MTUS2: variants seen among roughly 807,000 people sequenced by gnomAD.
MTUS2 encodes the protein microtubule-associated tumor suppressor candidate 2.
MTUS2 carries 40 observed loss-of-function variants against 114.1 expected under a neutral mutation model. The ratio of observed to expected loss-of-function variants is 0.35; its 90% CI spans 0.27 to 0.46. The LOEUF (loss-of-function observed/expected upper bound fraction) is 0.46. Among genes scored for constraint, MTUS2 ranks in the 20% least tolerant of loss-of-function variants. The probability of loss-of-function intolerance (pLI) is 1.00; values close to 1 mark genes in which losing one functional copy is unlikely to be tolerated. For missense variants in MTUS2, 1,679 were observed against 1,705.4 expected (o/e 0.98, Z 0.27); for synonymous variants, 688 against 672.0 (o/e 1.02, Z -0.37).
chr13:29,222,702 C>T (rs934141849), intron 5 of MTUS2, among the ~76,000 whole-genome samples: 1 of 152,220 alleles, frequency 6.6e-6, no homozygotes, highest in African/African-American at 2.4e-5. Context: ...GGTGCAGCTG[C>T]AGCTGCCCAA....
chr13:29,352,837 A>G (rs1032158741), intron 7 of MTUS2, among the ~76,000 whole-genome samples: 13 of 152,346 alleles, frequency 8.5e-5, no homozygotes, highest in African/African-American at 3.1e-4. Flanking sequence ...TTTCTTTTGC[A>G]GTATCTAATC....
rs771233147 is a variant in MTUS2, at chr13:29,026,680, C to T, written c.1982C>T (p.Ser661Leu). 4.3e-6 allele frequency: 7 copies of T among 1,613,874 alleles called. No homozygotes were observed. In the Admixed American group the frequency reaches 5.0e-5, roughly 12 times the overall value. Residue 661 changes from serine to leucine, a missense_variant, in exon 3 of 16, where the codon TCG becomes TTG. Physicochemically the swap from Ser to Leu is moderately radical, Grantham distance 145 (BLOSUM62 -2). Transcript: ENST00000612955. Reference protein sequence around the residue: ...NPQALGQVDASLVPVGLPYAP... With the variant: ...NPQALGQVDALLVPVGLPYAP... ...CAGGCCCTGGGCCAGGTGGACGCCT[C>T]GCTGGTTCCAGTGGGGCTTCCATAT... is the stretch of plus-strand genomic sequence containing the variant.
chr13:29,086,756 A>G (rs1406262659), intron 4 of MTUS2, among the ~76,000 whole-genome samples: 1 of 152,198 alleles, frequency 6.6e-6, no homozygotes, highest in South Asian at 2.1e-4. Flanking sequence ...ATCCAAGAGC[A>G]TGGAATTTTT....
At chr13:29,258,803 T>A (rs1897365436) in intron 5 of MTUS2, among the ~76,000 whole-genome samples, 1 of 152,182 alleles carries the variant, frequency 6.6e-6, no homozygotes, top group Non-Finnish European at 1.5e-5. Context: ...CCTTTCTGTG[T>A]ATACAGCCTT....
At chr13:29,129,499 G>A (rs965047733) in intron 5 of MTUS2, among the ~76,000 whole-genome samples, 20 of 151,974 alleles carry the variant, frequency 1.3e-4, no homozygotes, top group Admixed American at 1.1e-3. Context: ...TAAACAAAGA[G>A]GTTCAGCCTA....
intron 2 of MTUS2, among the ~76,000 whole-genome samples, chr13:29,009,427 A>G (rs186980580): frequency 6.6e-6 from 1 of 152,084 alleles, no homozygotes; most frequent in East Asian, 1.9e-4. Context: ...ATAGTATAAT[A>G]TAATCTAGGT....
intron 2 of MTUS2, among the ~76,000 whole-genome samples, chr13:28,867,332 T>C (rs1877359448): frequency 6.6e-6 from 1 of 152,194 alleles, no homozygotes; most frequent in Non-Finnish European, 1.5e-5. Context: ...TGATTTAATA[T>C]AGATTTTTAA....
chr13:28,907,142 C>T (rs1296440734), intron 2 of MTUS2, among the ~76,000 whole-genome samples: 2 of 151,586 alleles, frequency 1.3e-5, no homozygotes, highest in African/African-American at 4.9e-5. Flanking sequence ...ATTTCATATC[C>T]AGCCAAACTA....
chr13:28,943,545 T>G (rs1352017819), intron 2 of MTUS2, among the ~76,000 whole-genome samples: 1 of 152,178 alleles, frequency 6.6e-6, no homozygotes, highest in Non-Finnish European at 1.5e-5. Flanking sequence ...TTGCAGCAAC[T>G]GTTTCTGGAC....
intron 7 of MTUS2, among the ~76,000 whole-genome samples, chr13:29,328,524 C>T (rs1297259271): frequency 2.0e-5 from 3 of 152,180 alleles, no homozygotes; most frequent in African/African-American, 7.2e-5. Context: ...ATGTCTAAAA[C>T]TTGAAATCAG....
At chr13:29,206,890 G>GACTCTTTTTTGGTTCTATATGA (rs1287331677) in intron 5 of MTUS2, among the ~76,000 whole-genome samples, 19 of 152,100 alleles carry the variant, frequency 1.2e-4, no homozygotes, top group African/African-American at 4.6e-4. Flanking sequence ...TGGCTATATG[G>GACTCTTTTTTGGTTCTATATGA]ACTCTTTTTT....
chr13:28,850,828 A>G (rs1256838774), intron 2 of MTUS2, among the ~76,000 whole-genome samples: 1 of 152,194 alleles, frequency 6.6e-6, no homozygotes, highest in African/African-American at 2.4e-5. Context: ...TGTTCTTATT[A>G]CAATCACTTG....
chr13:29,193,617 T>C (rs1197008660), intron 5 of MTUS2, among the ~76,000 whole-genome samples: 1 of 152,132 alleles, frequency 6.6e-6, no homozygotes, highest in Non-Finnish European at 1.5e-5. Context: ...TGGAAGAACA[T>C]TGCATGCTCG....
At chr13:29,223,061 C>A (rs9550452) in intron 5 of MTUS2, among the ~76,000 whole-genome samples, 12,750 of 152,148 alleles carry the variant, frequency 0.084, 696 homozygotes, top group African/African-American at 0.14. Context: ...CCATGGATGG[C>A]AGGTTAATGG....
At chr13:29,379,112 C>T (rs961889886) in intron 8 of MTUS2, among the ~76,000 whole-genome samples, 11 of 152,190 alleles carry the variant, frequency 7.2e-5, no homozygotes, top group Non-Finnish European at 1.2e-4. Flanking sequence ...TGAGGCCTCC[C>T]CAGCCCTGCG....
rs574956627 is a variant in MTUS2, at chr13:29,290,716, G to A, written c.2806+8851G>A. ...CTGGTGACACCTGTCTCTCCTTCAG[G>A]TCTTGACCTAAATGTTGCCTGTTCA... On this transcript the variant is annotated intron_variant, in intron 6 of 15. Transcript: ENST00000612955. 9.5e-4 allele frequency among the ~76,000 whole-genome samples: 144 copies of A among 152,076 alleles called. 2 individuals are homozygous for A. Among genetic ancestry groups the A allele is most frequent in the Non-Finnish European group, 1.3e-3 (87 of 68,028 alleles).
intron 5 of MTUS2, among the ~76,000 whole-genome samples, chr13:29,133,087 A>G (rs750914491): frequency 1.3e-5 from 2 of 151,488 alleles, no homozygotes; most frequent in Non-Finnish European, 2.9e-5. Flanking sequence ...ATCTCATTAT[A>G]GGTTTGATTT....
intron 2 of MTUS2, among the ~76,000 whole-genome samples, chr13:28,893,529 A>G (rs906040608): frequency 3.9e-5 from 6 of 152,170 alleles, no homozygotes; most frequent in Non-Finnish European, 8.8e-5. Context: ...GGCACAGGCT[A>G]TATTATTGGT....
At chr13:28,879,119 T>C (rs1427711535) in intron 2 of MTUS2, among the ~76,000 whole-genome samples, 1 of 152,244 alleles carries the variant, frequency 6.6e-6, no homozygotes, top group East Asian at 1.9e-4. Context: ...GCTGCATGAA[T>C]GTCTTCTTTT....
Sources: allele counts gnomAD v4.1 joint callset (sites outside exome capture counted in the v4.1 genomes callset), GRCh38; gene constraint gnomAD v4.1.1; transcripts MANE v1.5; gene names NCBI Gene and HGNC (gene_info 2026-07-23, HGNC 2026-07-21).